DLC1: variants seen among roughly 807,000 people sequenced by gnomAD.
The protein encoded by DLC1 is DLC1 Rho GTPase activating protein.
Under a neutral mutation model 140.3 loss-of-function variants are expected in DLC1, and 54 were observed. That is an observed-to-expected ratio of 0.38 (90% confidence interval 0.31 to 0.48). DLC1 has a LOEUF of 0.48. DLC1 is among the 20% of genes least tolerant of loss of function. DLC1 has a pLI of 0.96. For missense variants in DLC1, 2,536 were observed against 1,907.0 expected, an observed-to-expected ratio of 1.33 and a Z score of -6.14; for synonymous variants, 986 against 728.1, an observed-to-expected ratio of 1.35 and a Z score of -5.70.
chr8:13,480,139 C>A (rs1020033337), intron 2 of DLC1, among the ~76,000 whole-genome samples: 1 of 152,106 alleles, frequency 6.6e-6, no homozygotes, highest in Admixed American at 6.5e-5. Flanking sequence ...ATATAAAATA[C>A]TGGGTCACAG....
At chr8:13,330,368 C>T (rs1833537355) in intron 4 of DLC1, among the ~76,000 whole-genome samples, 1 of 152,216 alleles carries the variant, frequency 6.6e-6, no homozygotes, top group Non-Finnish European at 1.5e-5. Flanking sequence ...ACTATGTACA[C>T]ACATGTTTTG....
intron 5 of DLC1, among the ~76,000 whole-genome samples, chr8:13,123,077 A>ACAGCG (rs1372413533): frequency 6.6e-6 from 1 of 152,224 alleles, no homozygotes; most frequent in African/African-American, 2.4e-5. Context: ...ACAGTGGAGT[A>ACAGCG]CAGCGCGTAT....
At chr8:13,144,420 G>T (rs1178963812) in intron 5 of DLC1, among the ~76,000 whole-genome samples, 1 of 152,164 alleles carries the variant, frequency 6.6e-6, no homozygotes, top group Non-Finnish European at 1.5e-5. Flanking sequence ...TGCGGATGGT[G>T]TATTATGGGA....
intron 5 of DLC1, among the ~76,000 whole-genome samples, chr8:13,217,047 C>G (rs1369209619): frequency 6.6e-6 from 1 of 152,052 alleles, no homozygotes; most frequent in Non-Finnish European, 1.5e-5. Flanking sequence ...AGCCCCACTT[C>G]CTAGTTTCAA....
intron 4 of DLC1, among the ~76,000 whole-genome samples, chr8:13,366,251 C>G (rs935877720): frequency 1.3e-5 from 2 of 152,194 alleles, no homozygotes; most frequent in Admixed American, 1.3e-4. Flanking sequence ...CAGGACAACT[C>G]TGCTTTCATC....
chr8:13,090,542 A>G (rs1362623898), intron 14 of DLC1, 72 bp from the exon 15 acceptor site: 1 of 1,548,826 alleles, frequency 6.5e-7, no homozygotes, highest in Admixed American at 1.8e-5. Context: ...TCAGTGGAAA[A>G]GACTGGGTAG....
chr8:13,386,525 C>T (rs889687278), intron 4 of DLC1, among the ~76,000 whole-genome samples: 1 of 152,052 alleles, frequency 6.6e-6, no homozygotes, highest in Non-Finnish European at 1.5e-5. Context: ...CCATCACAGA[C>T]AAGACTGTCT....
intron 4 of DLC1, among the ~76,000 whole-genome samples, chr8:13,354,641 C>A (rs1834835641): frequency 6.6e-6 from 1 of 151,890 alleles, no homozygotes; most frequent in Non-Finnish European, 1.5e-5. Flanking sequence ...CAGCTATGTG[C>A]AAAAATGAAA....
At position 13,564,158 on chromosome 8, in the gene DLC1, A is replaced by C. The variant is rs144492366; in HGVS notation, c.-126+40379T>G. ...GAAGGCAGCTATTCACAAGGCAATT[A>C]ATCAATTTCAGAAAAAAGATAATAA... On this transcript the variant is annotated intron_variant, in intron 1 of 1. Coordinates refer to the DLC1 transcript ENST00000631382. Among the ~76,000 whole-genome samples, 591 of 152,346 alleles carry C rather than the reference A, an allele frequency of 3.9e-3. 2 individuals carry two copies. Among genetic ancestry groups the C allele is most frequent in the Non-Finnish European group, 6.7e-3 (453 of 68,024 alleles).
chr8:13,100,515 G>C lies in DLC1; in HGVS notation c.1822C>G (p.Pro608Ala), dbSNP rs375306792. 3 of 1,612,546 alleles carry C rather than the reference G, an allele frequency of 1.9e-6. No individual in the cohort carries two copies. The highest frequency in any genetic ancestry group is 2.2e-5 in the South Asian group (2 of 91,078). ...SSTGSLPSHA[P>A]PSEDAATPRT... Reference sequence around the variant, plus strand: ...GGGGTGGCAGCATCCTCGCTGGGGGGCGCGTGGCTGGGGAGGCTGCCAGTG... The same window carrying C: ...GGGGTGGCAGCATCCTCGCTGGGGGCCGCGTGGCTGGGGAGGCTGCCAGTG... The change falls in exon 9 of 18, where the codon CCC becomes GCC. Residue 608 changes from proline to alanine, a missense_variant. Physicochemically the swap from Pro to Ala is conservative, Grantham distance 27. Transcript: ENST00000276297.
In DLC1 at chr8:13,312,386, A is replaced by AATAATAAT. The variant is rs1554494786; in HGVS notation, c.1315-7085_1315-7084insATTATTAT. 6.2e-3 allele frequency among the ~76,000 whole-genome samples: 503 copies of AATAATAAT among 81,696 alleles called. 43 individuals are homozygous for AATAATAAT. The highest frequency in any genetic ancestry group is 0.016 in the African/African-American group (356 of 22,400). The allele number at this position is 81,696 out of a possible 152,430, so 53.6% of individuals were successfully genotyped here. A position where few individuals can be genotyped will look rare whatever the true frequency, so the allele number is the denominator to read the frequency against. ...AAAAAAAAAAAAAAAAAAAAAAAAA[A>AATAATAAT]AATAATTTCTTTAGCAAGCTAGATA... On this transcript the variant is annotated intron_variant, in intron 4 of 17. Transcript: ENST00000276297.
chr8:13,424,117 C>A (rs764527949), intron 2 of DLC1, among the ~76,000 whole-genome samples: 3 of 152,146 alleles, frequency 2.0e-5, no homozygotes, highest in Admixed American at 6.5e-5. Context: ...CAACAGTGTT[C>A]TGGCAGACTG....
intron 4 of DLC1, among the ~76,000 whole-genome samples, chr8:13,309,074 G>A (rs963869334): frequency 2.8e-4 from 42 of 152,240 alleles, no homozygotes; most frequent in African/African-American, 1.0e-3. Context: ...TTATGAGAAA[G>A]CTCCAATAAA....
chr8:13,499,842 G>A lies in DLC1; in HGVS notation c.230C>T (p.Pro77Leu), dbSNP rs772043425. The A allele has an allele frequency of 4.3e-6, 7 of 1,613,912 alleles. No individual in the cohort carries two copies. The highest frequency in any genetic ancestry group is 1.7e-5 in the Admixed American group (1 of 59,992). ...CACATCCTTTGAAAGATGACCCATT[G>A]GCCTCCCAGGAAAATCTCTCAGCTC... ...GSELRDFPGRPMGHLSKDVDE... is the reference protein window; with the variant it reads ...GSELRDFPGRLMGHLSKDVDE... Residue 77 changes from proline (P) to leucine (L), a missense_variant, in exon 2 of 18, where the codon CCA becomes CTA. Physicochemically the swap from Pro to Leu is moderately conservative, Grantham distance 98. Transcript: ENST00000276297.
At chr8:13,463,718 C>T (rs1250615342) in intron 2 of DLC1, among the ~76,000 whole-genome samples, 1 of 152,180 alleles carries the variant, frequency 6.6e-6, no homozygotes, top group Non-Finnish European at 1.5e-5. Flanking sequence ...GCTTATTATT[C>T]TCTGATGAGG....
At chr8:13,335,694 GC>G (rs1448262855) in intron 4 of DLC1, among the ~76,000 whole-genome samples, 3 of 152,056 alleles carry the variant, frequency 2.0e-5, no homozygotes, top group Non-Finnish European at 4.4e-5. Context: ...TACATATTAT[GC>G]CTTATAGAAA....
chr8:13,180,038 A>C (rs991728860), intron 5 of DLC1, among the ~76,000 whole-genome samples: 12 of 152,160 alleles, frequency 7.9e-5, no homozygotes, highest in African/African-American at 2.9e-4. Flanking sequence ...CTCTAGACGT[A>C]AGCCTTGATC....
At chr8:13,294,103 C>CCATT (rs1563230962) in intron 5 of DLC1, among the ~76,000 whole-genome samples, 2 of 152,064 alleles carry the variant, frequency 1.3e-5, no homozygotes, top group Admixed American at 6.5e-5. Flanking sequence ...TGTGCTCTGC[C>CCATT]CATTCATTCC....
At chr8:13,200,112 T>C (rs11204149) in intron 5 of DLC1, among the ~76,000 whole-genome samples, 152,010 of 152,272 alleles carry the variant, frequency 1, 75,874 homozygotes, top group East Asian at 1. Flanking sequence ...GCGTGATCTC[T>C]GCTCACTGCA....
Sources: allele counts gnomAD v4.1 joint callset (sites outside exome capture counted in the v4.1 genomes callset), GRCh38; gene constraint gnomAD v4.1.1; transcripts MANE v1.5; gene names NCBI Gene and HGNC (gene_info 2026-07-23, HGNC 2026-07-21).